PCDHGA2: variants seen among roughly 807,000 people sequenced by gnomAD.
The protein encoded by PCDHGA2 is protocadherin gamma subfamily A, 2, also known as protocadherin gamma-A2.
Under a neutral mutation model 59.2 loss-of-function variants are expected in PCDHGA2, and 40 were observed. That is an observed-to-expected ratio of 0.68 (90% CI 0.52 to 0.88). The LOEUF (loss-of-function observed/expected upper bound fraction) is 0.88. PCDHGA2 is among the 40% of genes least tolerant of loss of function. PCDHGA2 has a pLI of 0.00. For missense variants in PCDHGA2, 1,226 were observed against 1,204.0 expected (o/e 1.02, Z -0.27); for synonymous variants, 560 against 526.0 (o/e 1.06, Z -0.89).
intron 1 of PCDHGA2, among the ~76,000 whole-genome samples, chr5:141,380,213 T>C (rs1284651338): frequency 1.3e-5 from 2 of 152,186 alleles, no homozygotes; most frequent in Admixed American, 6.5e-5. Context: ...AAGGCATTCA[T>C]TTCTGATCAG....
In PCDHGA2 at chr5:141,486,531, C is replaced by T; in HGVS notation, c.2425-8276C>T. The T allele has an allele frequency of 6.2e-7, 1 of 1,614,062 alleles. No homozygotes were observed. Among genetic ancestry groups the T allele is most frequent in the Non-Finnish European group, 8.5e-7 (1 of 1,180,020 alleles). Reference sequence around the variant, plus strand: ...ATTTCAGATGTGAATGATAATCCACCCTCTTTCTTTCAGAGGTCACATGAG... The same window carrying T: ...ATTTCAGATGTGAATGATAATCCACTCTCTTTCTTTCAGAGGTCACATGAG... On this transcript the variant is annotated intron_variant, in intron 1 of 3. Transcript: ENST00000394576. This position sits in a 1 kb window ranked among gnomAD's most constrained non-coding sequence, Gnocchi z 5.0.
intron 1 of PCDHGA2, chr5:141,391,083 G>C (rs974357992): frequency 1.3e-5 from 2 of 152,152 alleles, no homozygotes; most frequent in Non-Finnish European, 2.9e-5. Flanking sequence ...ATGTGTAACT[G>C]CCTTATCTGC....
intron 1 of PCDHGA2, among the ~76,000 whole-genome samples, chr5:141,492,886 C>A (rs1479930324): frequency 6.6e-6 from 1 of 152,178 alleles, no homozygotes; most frequent in African/African-American, 2.4e-5. Context: ...GAGATACAGG[C>A]TTTTGGCGCC....
chr5:141,397,268 T>A (rs532503951), intron 1 of PCDHGA2, among the ~76,000 whole-genome samples: 2 of 152,298 alleles, frequency 1.3e-5, no homozygotes, highest in South Asian at 4.1e-4. Context: ...CTTAGCTACA[T>A]CATATGGGCA....
At position 141,345,710 on chromosome 5, in the gene PCDHGA2, G is replaced by C. The variant is rs373967163; in HGVS notation, c.2424+4315G>C. On this transcript the variant is annotated intron_variant, in intron 1 of 3. Coordinates refer to ENST00000394576, the MANE Select transcript of PCDHGA2 (RefSeq NM_018915.4). ...TCGTGCTGGACCAGAACGACAACGCGCCCGAGATCCTGTACCCCGCCCTCC... is the reference window on the plus strand; with the variant it reads ...TCGTGCTGGACCAGAACGACAACGCCCCCGAGATCCTGTACCCCGCCCTCC... 3.1e-6 allele frequency: 5 copies of C among 1,614,076 alleles called. No individual in the cohort carries two copies. In the South Asian group the frequency reaches 3.3e-5, roughly 11 times the overall value.
chr5:141,392,498 A>AT (rs201401101), intron 1 of PCDHGA2: 334 of 217,284 alleles, frequency 1.5e-3, no homozygotes, highest in East Asian at 0.014. Flanking sequence ...TAAGCAAATG[A>AT]TTTTTTTTTC....
intron 1 of PCDHGA2, chr5:141,355,058 T>C (rs1759702915): frequency 1.6e-6 from 2 of 1,271,556 alleles, no homozygotes; most frequent in Non-Finnish European, 1.1e-6. Context: ...GCACTGGCTC[T>C]GGAGCTTTAT....
rs777111805 is a variant in PCDHGA2, at chr5:141,395,298, GT to G, written c.2424+53907del. On this transcript the variant is annotated intron_variant, in intron 1 of 3. Coordinates refer to ENST00000394576, the MANE Select transcript of PCDHGA2 (RefSeq NM_018915.4). ...ATGAATTTTATTTGGCATAAATTAT[GT>G]TTTGAAAAACATTGTGAAGATAGTT... 6 of 1,522,174 alleles carry G rather than the reference GT, an allele frequency of 3.9e-6. No homozygotes were observed. The East Asian group carries it at 9.1e-5, about 23-fold the overall frequency. The allele number at this position is 1,522,174 out of a possible 1,614,324, so 94.3% of individuals were successfully genotyped here.
chr5:141,351,403 T>C, intron 1 of PCDHGA2: 7 of 1,611,574 alleles, frequency 4.3e-6, no homozygotes, highest in Non-Finnish European at 5.1e-6. Context: ...TGACATGCTA[T>C]ACTCAGGAAG....
At chr5:141,437,393 G>T (rs1034237295) in intron 1 of PCDHGA2, among the ~76,000 whole-genome samples, 3 of 152,180 alleles carry the variant, frequency 2.0e-5, no homozygotes, top group Admixed American at 6.5e-5. Flanking sequence ...TTCATCCACT[G>T]CTTTCATTCC....
rs759439765 is a variant in PCDHGA2 at position 141,478,199 on chromosome 5, C to A, written c.2425-16608C>A. ...GAAAAAAAATCTCACCTTTTATCTA[C>A]TTCTTTCTCTAATCCTGGTTTCTGT... On this transcript the variant is annotated intron_variant, in intron 1 of 3. Coordinates refer to ENST00000394576, the MANE Select transcript of PCDHGA2 (RefSeq NM_018915.4). The A allele has an allele frequency of 3.8e-5, 62 of 1,613,938 alleles. No homozygotes were observed. Among genetic ancestry groups the A allele is most frequent in the Non-Finnish European group, 5.0e-5 (59 of 1,180,046 alleles).
chr5:141,344,854 A>G (rs775772837), intron 1 of PCDHGA2: 9 of 1,613,994 alleles, frequency 5.6e-6, no homozygotes, highest in Middle Eastern at 1.6e-4. Flanking sequence ...GAGGGATTCA[A>G]TGCTCAAGTG....
intron 1 of PCDHGA2, chr5:141,389,804 T>G (rs751634687): frequency 2.3e-5 from 37 of 1,613,616 alleles, no homozygotes; most frequent in Non-Finnish European, 3.1e-5. Flanking sequence ...GCCAGCGCCT[T>G]CTGGTCGCCG....
rs776294589 is a variant in PCDHGA2 at position 141,341,290 on chromosome 5, C to A, written c.2319C>A (p.Pro773=). Residue 773 remains proline, a synonymous_variant, in exon 1 of 4, where the codon CCC becomes CCA. Transcript: ENST00000394576. ...AGAGCCACCTGATTTTCCCCCAGCC[C>A]AACTATGCGGACACGCTCATCAGCC... The part of the protein sequence containing the change: ...SRKSHLIFPQ[P]NYADTLISQE... 14 of 1,614,234 alleles carry A rather than the reference C, an allele frequency of 8.7e-6. No homozygotes were observed. The African/African-American group carries it at 1.7e-4, about 20-fold the overall frequency.
At position 141,385,031 on chromosome 5, in the gene PCDHGA2, T is replaced by C; in HGVS notation, c.2424+43636T>C. The C allele has an allele frequency of 1.9e-6, 3 of 1,614,190 alleles. No individual in the cohort carries two copies. The African/African-American group carries it at 4.0e-5, about 21-fold the overall frequency. The stretch of plus-strand genomic sequence containing the variant: ...GTCTTCCTAGCCTTCGTCCTCGTAC[T>C]GCTGGCGCTCAGGCTGCGGCGCTGG... On this transcript the variant is annotated intron_variant, in intron 1 of 3. Coordinates refer to ENST00000394576, the MANE Select transcript of PCDHGA2 (RefSeq NM_018915.4).
At chr5:141,447,023 G>GT (rs5871773) in intron 1 of PCDHGA2, among the ~76,000 whole-genome samples, 28,105 of 151,474 alleles carry the variant, frequency 0.19, 2,731 homozygotes, top group African/African-American at 0.24. Context: ...GTTTTGTTTT[G>GT]TTTTTTTTCT....
chr5:141,351,870 C>T lies in PCDHGA2; in HGVS notation c.2424+10475C>T, dbSNP rs545715349. The T allele has an allele frequency of 1.3e-5, 21 of 1,613,166 alleles. No individual in the cohort carries two copies. The East Asian group carries it at 4.5e-4, about 34-fold the overall frequency. ...CAGGCCAGGGACCAGGGCTCCCCCGCGCTCAGCGCCAACGTGAGCCTGCGC... is the reference window on the plus strand; with the variant it reads ...CAGGCCAGGGACCAGGGCTCCCCCGTGCTCAGCGCCAACGTGAGCCTGCGC... On this transcript the variant is annotated intron_variant, in intron 1 of 3. Coordinates refer to ENST00000394576, the MANE Select transcript of PCDHGA2 (RefSeq NM_018915.4).
At chr5:141,383,939 T>C (rs1272507661) in intron 1 of PCDHGA2, 1 of 1,613,738 alleles carries the variant, frequency 6.2e-7, no homozygotes, top group African/African-American at 1.3e-5. Context: ...GCTCCAGAAG[T>C]GACTATGACG....
chr5:141,388,958 C>G, intron 1 of PCDHGA2: 1 of 1,613,930 alleles, frequency 6.2e-7, no homozygotes, highest in Non-Finnish European at 8.5e-7. Context: ...TGGAGGACGC[C>G]GAGCTGGGAA....
Sources: allele counts gnomAD v4.1 joint callset (sites outside exome capture counted in the v4.1 genomes callset), GRCh38; gene constraint gnomAD v4.1.1; non-coding constraint Gnocchi (gnomAD v3.1); transcripts MANE v1.5; gene names NCBI Gene and HGNC (gene_info 2026-07-23, HGNC 2026-07-21).